The following EVL variants were observed in gnomAD, a reference collection of about 807,000 sequenced individuals.
EVL encodes the protein Enah/Vasp-like, also known as ena/VASP-like protein.
Under a neutral mutation model 59.6 loss-of-function variants are expected in EVL, and 21 were observed. The ratio of observed to expected loss-of-function variants is 0.35; its 90% confidence interval spans 0.25 to 0.51. The LOEUF (loss-of-function observed/expected upper bound fraction) is 0.51. Ranked by LOEUF, EVL falls within the 20% of genes least tolerant of loss-of-function variation. EVL has a pLI of 0.97. For synonymous variants in EVL, 198 were observed against 203.5 expected (o/e 0.97, Z 0.23); for missense variants, 462 against 546.6 (o/e 0.85, Z 1.54).
intron 1 of EVL, among the ~76,000 whole-genome samples, chr14:99,996,044 A>G (rs1215768686): frequency 6.6e-6 from 1 of 152,070 alleles, no homozygotes; most frequent in Non-Finnish European, 1.5e-5. Context: ...AGATTCAGTT[A>G]AGAAACCAGT....
intron 1 of EVL, among the ~76,000 whole-genome samples, chr14:100,070,644 A>G (rs1354066288): frequency 6.6e-6 from 1 of 152,234 alleles, no homozygotes; most frequent in African/African-American, 2.4e-5. Context: ...CCTAGTAAAT[A>G]GCACAGAGTC....
chr14:100,105,423 A>C (rs1293026359), intron 3 of EVL, among the ~76,000 whole-genome samples: 1 of 151,928 alleles, frequency 6.6e-6, no homozygotes, highest in African/African-American at 2.4e-5. Flanking sequence ...TGACTGTGTG[A>C]CTTCATCAGG....
At chr14:100,071,305 T>C (rs936739265) in intron 1 of EVL, among the ~76,000 whole-genome samples, 1 of 152,234 alleles carries the variant, frequency 6.6e-6, no homozygotes, top group African/African-American at 2.4e-5. Context: ...AGCTAATTCA[T>C]TGTCTTTCAT....
rs564004369 is a variant in EVL, at chr14:100,141,581, C to T, written c.1162-155C>T. On this transcript the variant is annotated intron_variant, in intron 12 of 13. Coordinates refer to ENST00000392920, the MANE Select transcript of EVL (RefSeq NM_016337.3). ...TCCCAGGCCTCCCATGCCGTCCCCCCTCAGCGTGGGAAGGGGGCCACGAGG... is the reference window on the plus strand; with the variant it reads ...TCCCAGGCCTCCCATGCCGTCCCCCTTCAGCGTGGGAAGGGGGCCACGAGG... Among the ~76,000 whole-genome samples, 140 of 152,362 alleles carry T rather than the reference C, an allele frequency of 9.2e-4. 8 individuals carry two copies. The South Asian group carries it at 0.028, about 31-fold the overall frequency.
At chr14:99,979,026 C>G (rs1292168326) in intron 1 of EVL, among the ~76,000 whole-genome samples, 1 of 152,132 alleles carries the variant, frequency 6.6e-6, no homozygotes. Context: ...ATTCTTGTTT[C>G]TCTTTTTCTA....
chr14:100,128,911 G>A (rs1012774081), intron 6 of EVL, among the ~76,000 whole-genome samples, 163 bp downstream of exon 6: 1 of 152,190 alleles, frequency 6.6e-6, no homozygotes, highest in South Asian at 2.1e-4. Flanking sequence ...AAATCACATG[G>A]GACAGCACTT....
chr14:100,044,543 T>TG (rs1241621021), intron 1 of EVL, among the ~76,000 whole-genome samples: 1 of 152,192 alleles, frequency 6.6e-6, no homozygotes, highest in Admixed American at 6.5e-5. Context: ...GGGTAAGGAC[T>TG]GATACTTGTC....
chr14:100,081,087 C>G (rs1408177919), intron 1 of EVL, among the ~76,000 whole-genome samples: 1 of 152,110 alleles, frequency 6.6e-6, no homozygotes, highest in African/African-American at 2.4e-5. Context: ...TGAGATCAGT[C>G]TGGGCAACAT....
intron 1 of EVL, among the ~76,000 whole-genome samples, chr14:100,015,696 C>T (rs913726989): frequency 2.0e-5 from 3 of 152,200 alleles, no homozygotes; most frequent in Admixed American, 1.3e-4. Context: ...TCTAGGGCCC[C>T]TCCACCTTCT....
intron 1 of EVL, among the ~76,000 whole-genome samples, chr14:99,995,266 G>C (rs1242797459): frequency 6.6e-6 from 1 of 152,116 alleles, no homozygotes; most frequent in East Asian, 1.9e-4. Context: ...TTATTTACAT[G>C]TTATTTCACT....
At chr14:100,093,952 A>G (rs778849179) in intron 2 of EVL, among the ~76,000 whole-genome samples, 6 of 152,188 alleles carry the variant, frequency 3.9e-5, no homozygotes, top group Non-Finnish European at 8.8e-5. Context: ...ATTATTAGTT[A>G]TTGTTGTTAA....
chr14:100,037,457 C>T (rs952622252), intron 1 of EVL, among the ~76,000 whole-genome samples: 1 of 152,192 alleles, frequency 6.6e-6, no homozygotes, highest in African/African-American at 2.4e-5. Flanking sequence ...AATACTCTTG[C>T]ACCTACTTCT....
chr14:100,081,692 A>C (rs936026119), intron 1 of EVL, among the ~76,000 whole-genome samples: 1 of 152,128 alleles, frequency 6.6e-6, no homozygotes, highest in Non-Finnish European at 1.5e-5. Flanking sequence ...GCGGTTCTCT[A>C]CGTGCCGTGC....
intron 1 of EVL, among the ~76,000 whole-genome samples, chr14:100,083,828 G>A (rs2062370483): frequency 6.6e-6 from 1 of 152,096 alleles, no homozygotes; most frequent in Non-Finnish European, 1.5e-5. Context: ...GCATTTTGTT[G>A]GATGTTGCAA....
intron 1 of EVL, among the ~76,000 whole-genome samples, chr14:100,014,199 A>C (rs1351002004): frequency 6.6e-6 from 1 of 152,162 alleles, no homozygotes; most frequent in Non-Finnish European, 1.5e-5. Context: ...ACCCATGAAC[A>C]TCCCCAACCC....
chr14:100,002,341 A>G (rs1489173837), intron 1 of EVL, among the ~76,000 whole-genome samples: 1 of 152,158 alleles, frequency 6.6e-6, no homozygotes, highest in Non-Finnish European at 1.5e-5. Context: ...GGAGACAACA[A>G]TTGTCTGTAG....
At chr14:100,022,151 G>C (rs2061136141) in intron 1 of EVL, among the ~76,000 whole-genome samples, 1 of 152,050 alleles carries the variant, frequency 6.6e-6, no homozygotes, top group Non-Finnish European at 1.5e-5. Flanking sequence ...TGAATATAAA[G>C]GGGGAAGCAC....
At chr14:100,005,671 C>T (rs957412718) in intron 1 of EVL, among the ~76,000 whole-genome samples, 1 of 140,346 alleles carries the variant, frequency 7.1e-6, no homozygotes, top group Admixed American at 7.2e-5. Flanking sequence ...ACACACACAC[C>T]CCTTGGATGT....
At chr14:100,123,430 A>G (rs1237176318) in intron 3 of EVL, 109 bp from the exon 4 acceptor site, 2 of 1,026,796 alleles carry the variant, frequency 1.9e-6, no homozygotes, top group Middle Eastern at 2.0e-4. Context: ...ATTCTTAAGG[A>G]TGTCTCTTCT....
Sources: gnomAD v4.1 joint callset for allele counts (sites outside exome capture counted in the v4.1 genomes callset) on GRCh38, gnomAD v4.1.1 for gene constraint, MANE v1.5 for transcripts, NCBI Gene and HGNC (gene_info 2026-07-23, HGNC 2026-07-21) for gene names.